Variants in RMDN3 observed in about 807,000 individuals in gnomAD.
The protein encoded by RMDN3 is regulator of microtubule dynamics protein 3.
A neutral mutation model predicts 61.8 loss-of-function variants in RMDN3; 41 were observed. That is an observed-to-expected ratio of 0.66 (90% confidence interval 0.52 to 0.86). RMDN3 has a LOEUF of 0.86. Among genes scored for constraint, RMDN3 ranks in the 40% least tolerant of loss-of-function variants. The pLI, the probability that RMDN3 is intolerant of heterozygous loss-of-function variation, is 0.00. For synonymous variants in RMDN3, 247 were observed against 232.0 expected (o/e 1.06, Z -0.59); for missense variants, 557 against 585.3 (o/e 0.95, Z 0.50).
chr15:40,736,305 T>A lies in RMDN3; in HGVS notation c.*236A>T, dbSNP rs562547269. ...GGGCAGGTGTGAATCTTGATTTTTT[T>A]AAGAGATTACTCAAGGGAGAGAACA... On this transcript the variant is annotated 3_prime_UTR_variant, in exon 13 of 13. Transcript: ENST00000338376. 2 of 464,294 alleles carry A rather than the reference T, an allele frequency of 4.3e-6. No homozygotes were observed. Among genetic ancestry groups the A allele is most frequent in the South Asian group, 4.4e-5 (1 of 22,640 alleles). The allele number at this position is 464,294 out of a possible 1,614,324, so 28.8% of individuals were successfully genotyped here. A position where few individuals can be genotyped will look rare whatever the true frequency, so the allele number is the denominator to read the frequency against.
At chr15:40,748,236 C>A (rs1897658195) in intron 4 of RMDN3, among the ~76,000 whole-genome samples, 1 of 152,186 alleles carries the variant, frequency 6.6e-6, no homozygotes, top group Non-Finnish European at 1.5e-5. Flanking sequence ...GCTCTCCTTG[C>A]CCCAAGACAC....
chr15:40,743,329 G>A (rs2141909622), intron 6 of RMDN3, among the ~76,000 whole-genome samples: 1 of 152,176 alleles, frequency 6.6e-6, no homozygotes, highest in Non-Finnish European at 1.5e-5. Context: ...GCTGAGGCAG[G>A]AGAATTGCTT....
At position 40,745,106 on chromosome 15, in the gene RMDN3, G is replaced by A. The variant is rs751047815; in HGVS notation, c.678C>T (p.Ala226=). Residue 226 remains alanine (A), a synonymous_variant, in exon 5 of 13, where the codon GCC becomes GCT. Coordinates refer to ENST00000338376, the MANE Select transcript of RMDN3 (RefSeq NM_018145.3). ...EEEAASGASS[A]LEAGGSSGLE... is the part of the protein sequence containing the mutation. ...AGCCTGAGGAACCTCCAGCCTCCAG[G>A]GCACTGGAGGCACCTGAAGCTGCCT... The A allele has an allele frequency of 8.1e-6, 13 of 1,613,834 alleles. No individual in the cohort carries two copies. Among genetic ancestry groups the A allele is most frequent in the Middle Eastern group, 1.6e-4 (1 of 6,084 alleles).
chr15:40,742,140 G>A (rs1345353474), intron 6 of RMDN3, among the ~76,000 whole-genome samples: 1 of 149,410 alleles, frequency 6.7e-6, no homozygotes, highest in Non-Finnish European at 1.5e-5. Context: ...CTGCTGGCAT[G>A]TTCCACCACC....
At chr15:40,738,746 G>T in intron 7 of RMDN3, 170 bp from the exon 8 acceptor site, 1 of 633,106 alleles carries the variant, frequency 1.6e-6, no homozygotes. Context: ...CGGACCTCTG[G>T]CCCCAATTAG....
chr15:40,752,276 G>A, intron 2 of RMDN3, 98 bp from the exon 3 acceptor site: 2 of 1,269,656 alleles, frequency 1.6e-6, no homozygotes, highest in South Asian at 2.8e-5. Context: ...TCCATTGGAA[G>A]AGAAGGCCCA....
intron 4 of RMDN3, 111 bp from the exon 5 acceptor site, chr15:40,745,370 C>G (rs1897486891): frequency 2.9e-6 from 3 of 1,017,254 alleles, no homozygotes; most frequent in Middle Eastern, 2.2e-4. Flanking sequence ...TCCAAAGCAC[C>G]AAATCACAAT....
intron 5 of RMDN3, chr15:40,744,445 G>T: frequency 3.4e-6 from 1 of 298,442 alleles, no homozygotes; most frequent in Non-Finnish European, 6.3e-6. Flanking sequence ...GGCACGAGAG[G>T]TCTTTTGCTG....
intron 6 of RMDN3, 55 bp from the exon 7 acceptor site, chr15:40,740,248 G>C (rs941410502): frequency 1.7e-6 from 2 of 1,202,292 alleles, no homozygotes; most frequent in Non-Finnish European, 2.5e-6. Flanking sequence ...CACTTTCATA[G>C]GAAGGCTTGT....
chr15:40,736,980 A>G (rs1295848473), intron 12 of RMDN3, 144 bp downstream of exon 12: 3 of 733,806 alleles, frequency 4.1e-6, no homozygotes, highest in Non-Finnish European at 7.1e-6. Flanking sequence ...CAGCTTCCCG[A>G]GTAGCTGGAA....
chr15:40,754,479 A>G (rs1240940424), intron 2 of RMDN3, 118 bp downstream of exon 2: 9 of 1,061,164 alleles, frequency 8.5e-6, no homozygotes, highest in Non-Finnish European at 1.2e-5. Flanking sequence ...GCTTCCAAAA[A>G]AGTGAAACCC....
intron 2 of RMDN3, among the ~76,000 whole-genome samples, 184 bp downstream of exon 2, chr15:40,754,413 G>T (rs1897952537): frequency 6.6e-6 from 1 of 152,204 alleles, no homozygotes; most frequent in Non-Finnish European, 1.5e-5. Flanking sequence ...CTCCCAAAGT[G>T]CTGGGATTAC....
At chr15:40,751,886 C>T in intron 3 of RMDN3, 100 bp downstream of exon 3, 2 of 1,287,380 alleles carry the variant, frequency 1.6e-6, no homozygotes, top group South Asian at 1.4e-5. Flanking sequence ...AGCTATAGAA[C>T]TGGTTTATTC....
chr15:40,744,072 GCTCAC>G lies in RMDN3; in HGVS notation c.880_884del (p.Val294ArgfsTer22), dbSNP rs761724018. On this transcript the variant is annotated frameshift_variant, in exon 6 of 13. Coordinates refer to ENST00000338376, the MANE Select transcript of RMDN3 (RefSeq NM_018145.3). LOFTEE classifies it high-confidence loss of function. ...CATCTAGGGCATATGACTTCTTCTC[GCTCAC>G]CTCCTCAGTGAGCTCACACATGTCA... 2 of 1,613,076 alleles carry G rather than the reference GCTCAC, an allele frequency of 1.2e-6. No homozygotes were observed. The highest frequency in any genetic ancestry group is 1.7e-6 in the Non-Finnish European group (2 of 1,179,816).
In RMDN3 at chr15:40,737,238, G is replaced by A. The variant is rs537701209; in HGVS notation, c.1279-34C>T. 934 of 1,608,382 alleles carry A rather than the reference G, an allele frequency of 5.8e-4. 16 individuals carry two copies. The South Asian group carries it at 9.7e-3, about 17-fold the overall frequency. ...AGACAACAGTGAAACCTGATACTGT[G>A]TACTTTCAGGAGTTCCCAGATCTAT... On this transcript the variant is annotated intron_variant, in intron 11 of 12. Transcript: ENST00000338376.
At position 40,744,158 on chromosome 15, in the gene RMDN3, C is replaced by G. The variant is rs1276028346; in HGVS notation, c.808-9G>C. 1 of 1,612,732 alleles carries G rather than the reference C, an allele frequency of 6.2e-7. No homozygotes were observed. Among genetic ancestry groups the G allele is most frequent in the Non-Finnish European group, 8.5e-7 (1 of 1,179,842 alleles). The stretch of plus-strand genomic sequence containing the variant: ...TCCTGCCGGCTTCCATACTGCAGAC[C>G]AGACAGAAACGGGTGAGGCCCCTTT... On this transcript the variant is annotated splice_polypyrimidine_tract_variant and intron_variant, in intron 5 of 12. Transcript: ENST00000338376.
intron 4 of RMDN3, among the ~76,000 whole-genome samples, chr15:40,749,895 C>T (rs1013026934): frequency 6.6e-6 from 1 of 152,186 alleles, no homozygotes; most frequent in African/African-American, 2.4e-5. Context: ...AGCAGTCCCC[C>T]ATGGAAGAGC....
chr15:40,738,356 T>A (rs761029032), intron 8 of RMDN3, 145 bp downstream of exon 8: 2 of 758,808 alleles, frequency 2.6e-6, no homozygotes, highest in Non-Finnish European at 4.4e-6. Context: ...CACTCCAGCT[T>A]GGGCGATAGA....
At chr15:40,746,821 T>C (rs1013775528) in intron 4 of RMDN3, among the ~76,000 whole-genome samples, 3 of 152,058 alleles carry the variant, frequency 2.0e-5, no homozygotes, top group African/African-American at 7.2e-5. Context: ...AAACCTTTCC[T>C]AACTGCACCT....
Sources: gnomAD v4.1 joint callset for allele counts (sites outside exome capture counted in the v4.1 genomes callset) on GRCh38, gnomAD v4.1.1 for gene constraint, MANE v1.5 for transcripts, NCBI Gene and HGNC (gene_info 2026-07-23, HGNC 2026-07-21) for gene names.